PRKN: variants seen among roughly 807,000 people sequenced by gnomAD.
The protein encoded by PRKN is parkin RBR E3 ubiquitin protein ligase.
In PRKN, 56 loss-of-function variants were observed where a neutral mutation model predicts 59.5. The observed-to-expected ratio is 0.94, with a 90% CI of 0.76 to 1.18. PRKN has a LOEUF of 1.18. PRKN is among the 50% of genes most tolerant of loss of function. PRKN has a pLI of 0.00. For missense variants in PRKN, 657 were observed against 596.4 expected, an observed-to-expected ratio of 1.10 and a Z score of -1.06; for synonymous variants, 250 against 222.1, an observed-to-expected ratio of 1.13 and a Z score of -1.12.
At position 161,879,523 on chromosome 6, in the gene PRKN, T is replaced by C. The variant is rs146394802; in HGVS notation, c.735-93615A>G. Among the ~76,000 whole-genome samples, 60 of 152,136 alleles carry C rather than the reference T, an allele frequency of 3.9e-4. 1 individual carries two copies. In the East Asian group the frequency reaches 0.011, roughly 27 times the overall value. On this transcript the variant is annotated intron_variant, in intron 6 of 11. Coordinates refer to ENST00000366898, the MANE Select transcript of PRKN (RefSeq NM_004562.3). The stretch of plus-strand genomic sequence containing the variant: ...CCACCACACCAGCTAACTTTTTGTA[T>C]TTTGAGTAGAGACGAGGTTTCACCG...
Position 162,262,552 on chromosome 6 carries a change from T to C in PRKN, c.385A>G (p.Lys129Glu). The C allele has an allele frequency of 6.2e-7, 1 of 1,614,066 alleles. No homozygotes were observed. The highest frequency in any genetic ancestry group is 8.5e-7 in the Non-Finnish European group (1 of 1,179,982). Residue 129 changes from lysine to glutamate, a missense_variant, in exon 3 of 12, where the codon AAG becomes GAG. Coordinates refer to ENST00000366898, the MANE Select transcript of PRKN (RefSeq NM_004562.3). ...LAVILHTDSRKDSPPAGSPAG... is the reference protein window; with the variant it reads ...LAVILHTDSREDSPPAGSPAG... ...GGACTTCCAGCTGGTGGTGAGTCCT[T>C]CCTGCTGTCAGTGTGCAGAATGACA...
chr6:162,197,493 G>C (rs1784541590), intron 4 of PRKN, among the ~76,000 whole-genome samples: 1 of 151,920 alleles, frequency 6.6e-6, no homozygotes. Flanking sequence ...TATATTTTAA[G>C]TACAAGGGAA....
At chr6:162,524,333 T>C (rs1037097805) in intron 1 of PRKN, among the ~76,000 whole-genome samples, 2 of 152,210 alleles carry the variant, frequency 1.3e-5, no homozygotes, top group African/African-American at 4.8e-5. Flanking sequence ...CGTCTCTGTG[T>C]TGAAAGAGAA....
At chr6:162,515,019 A>G (rs1404697503) in intron 1 of PRKN, among the ~76,000 whole-genome samples, 1 of 152,078 alleles carries the variant, frequency 6.6e-6, no homozygotes, top group Non-Finnish European at 1.5e-5. Flanking sequence ...AGACTCTCCT[A>G]TATTTAAAAT....
intron 10 of PRKN, among the ~76,000 whole-genome samples, chr6:161,367,667 C>G (rs1422150495): frequency 6.6e-6 from 1 of 152,112 alleles, no homozygotes; most frequent in Non-Finnish European, 1.5e-5. Flanking sequence ...GACCTCGGCA[C>G]GGGCTAACAC....
At chr6:162,018,462 T>C (rs1329723085) in intron 5 of PRKN, among the ~76,000 whole-genome samples, 1 of 152,242 alleles carries the variant, frequency 6.6e-6, no homozygotes, top group African/African-American at 2.4e-5. Flanking sequence ...GGAGCCATTT[T>C]TGAATTACTT....
chr6:162,287,646 C>T (rs1376482745), intron 2 of PRKN, among the ~76,000 whole-genome samples: 1 of 152,056 alleles, frequency 6.6e-6, no homozygotes, highest in Admixed American at 6.6e-5. Context: ...AATGTAATTC[C>T]CATCATTTTC....
chr6:161,699,064 GCA>G (rs1206747837), intron 7 of PRKN, among the ~76,000 whole-genome samples: 2 of 152,136 alleles, frequency 1.3e-5, no homozygotes, highest in Admixed American at 1.3e-4. Flanking sequence ...TTAAGTAGTG[GCA>G]AAAGAGTTGA....
At chr6:162,660,147 A>T (rs1393288833) in intron 1 of PRKN, among the ~76,000 whole-genome samples, 1 of 152,192 alleles carries the variant, frequency 6.6e-6, no homozygotes, top group Non-Finnish European at 1.5e-5. Context: ...CTCAAAATTC[A>T]AAAATTATTT....
At chr6:162,423,047 T>C (rs1409592372) in intron 2 of PRKN, among the ~76,000 whole-genome samples, 4 of 151,870 alleles carry the variant, frequency 2.6e-5, no homozygotes, top group African/African-American at 9.7e-5. Flanking sequence ...CTTTCATTGC[T>C]TCTATAGTAC....
intron 9 of PRKN, among the ~76,000 whole-genome samples, chr6:161,436,454 C>G (rs887722279): frequency 2.8e-5 from 2 of 71,356 alleles, no homozygotes; most frequent in African/African-American, 9.9e-5. Context: ...AAACTCAAGA[C>G]TTTTTTGGGG....
At position 161,687,459 on chromosome 6, in the gene PRKN, T is replaced by TA. The variant is rs549039987; in HGVS notation, c.871+98312dup. Among the ~76,000 whole-genome samples, 1,182 of 144,178 alleles carry TA rather than the reference T, an allele frequency of 8.2e-3. 12 individuals are homozygous for TA. Among genetic ancestry groups the TA allele is most frequent in the African/African-American group, 0.017 (655 of 38,900 alleles). The allele number at this position is 144,178 out of a possible 152,430, so 94.6% of individuals were successfully genotyped here. A position where few individuals can be genotyped will look rare whatever the true frequency, so the allele number is the denominator to read the frequency against. ...ATAAGATATATCTTTTTTTTTAAAT[T>TA]AAAAAAAAATGTATGTTTTGAGATA... On this transcript the variant is annotated intron_variant, in intron 7 of 11. Coordinates refer to ENST00000366898, the MANE Select transcript of PRKN (RefSeq NM_004562.3).
intron 6 of PRKN, among the ~76,000 whole-genome samples, chr6:161,810,370 G>A (rs1791509946): frequency 6.6e-6 from 1 of 152,192 alleles, no homozygotes; most frequent in Admixed American, 6.5e-5. Flanking sequence ...TAGGCAGCCT[G>A]AGCAAACTAA....
chr6:162,486,615 T>C (rs1792550893), intron 1 of PRKN, among the ~76,000 whole-genome samples: 1 of 152,240 alleles, frequency 6.6e-6, no homozygotes, highest in Admixed American at 6.5e-5. Context: ...ATAGGTATTA[T>C]CAAATGCCTT....
At position 162,344,198 on chromosome 6, in the gene PRKN, A is replaced by G. The variant is rs73786245; in HGVS notation, c.172-81433T>C. Among the ~76,000 whole-genome samples, 1,378 of 152,246 alleles carry G rather than the reference A, an allele frequency of 9.1e-3. 16 individuals are homozygous for G. Among genetic ancestry groups the G allele is most frequent in the African/African-American group, 0.032 (1,322 of 41,548 alleles). On this transcript the variant is annotated intron_variant, in intron 2 of 11. Coordinates refer to ENST00000366898, the MANE Select transcript of PRKN (RefSeq NM_004562.3). ...AAGACTTGGTTTTTTTGAAGAGCAT[A>G]TTGCACAGCATTTTCTGGAAATGCT...
intron 1 of PRKN, among the ~76,000 whole-genome samples, chr6:162,658,827 G>C (rs935846400): frequency 6.6e-6 from 1 of 151,954 alleles, no homozygotes; most frequent in Non-Finnish European, 1.5e-5. Flanking sequence ...TGAATTGCAA[G>C]TACAACTCAA....
At chr6:161,816,274 T>G (rs930050479) in intron 6 of PRKN, among the ~76,000 whole-genome samples, 14 of 151,942 alleles carry the variant, frequency 9.2e-5, no homozygotes, top group Non-Finnish European at 1.8e-4. Context: ...ACTGGGTAAC[T>G]CCACTTCCAA....
At chr6:162,429,556 A>G (rs1277821360) in intron 2 of PRKN, among the ~76,000 whole-genome samples, 1 of 151,884 alleles carries the variant, frequency 6.6e-6, no homozygotes, top group East Asian at 1.9e-4. Context: ...GGCCTTCTTT[A>G]TTGGCCCTGC....
chr6:162,719,898 A>AC (rs1778866699), intron 1 of PRKN, among the ~76,000 whole-genome samples: 2 of 6,180 alleles, frequency 3.2e-4, no homozygotes, highest in African/African-American at 1.9e-3. Context: ...AGATGTCAAA[A>AC]AAAAAAAAAA....
Sources: allele counts gnomAD v4.1 joint callset (sites outside exome capture counted in the v4.1 genomes callset), GRCh38; gene constraint gnomAD v4.1.1; transcripts MANE v1.5; gene names NCBI Gene and HGNC (gene_info 2026-07-23, HGNC 2026-07-21).